Variants in RTF1 observed in about 807,000 individuals in gnomAD.
RTF1 encodes the protein RNA polymerase-associated protein RTF1 homolog.
A neutral mutation model predicts 95.7 loss-of-function variants in RTF1; 10 were observed. The observed-to-expected ratio is 0.10, with a 90% CI of 0.06 to 0.18. The LOEUF (loss-of-function observed/expected upper bound fraction) is 0.18. Ranked by LOEUF, RTF1 falls within the 10% of genes least tolerant of loss-of-function variation. The pLI, the probability that RTF1 is intolerant of heterozygous loss-of-function variation, is 1.00. For synonymous variants in RTF1, 305 were observed against 311.8 expected, an observed-to-expected ratio of 0.98 and a Z score of 0.23; for missense variants, 458 against 875.6, an observed-to-expected ratio of 0.52 and a Z score of 6.02.
At chr15:41,442,164 A>G (rs1229894228) in intron 2 of RTF1, among the ~76,000 whole-genome samples, 1 of 150,484 alleles carries the variant, frequency 6.6e-6, no homozygotes, top group East Asian at 2.0e-4. Flanking sequence ...TTCCCCTTTC[A>G]TAATGATTTT....
At position 41,466,255 on chromosome 15, in the gene RTF1, A is replaced by G. The variant is rs1447445666; in HGVS notation, c.889+3A>G. The G allele has an allele frequency of 6.5e-7, 1 of 1,537,142 alleles. No homozygotes were observed. The highest frequency in any genetic ancestry group is 1.4e-5 in the African/African-American group (1 of 72,680). The stretch of plus-strand genomic sequence containing the variant: ...AGAAAAACGAAAGAACAGAACAGGT[A>G]AGCGAGGGAAATATAATGGCTACTT... On this transcript the variant is annotated splice_donor_region_variant and intron_variant, in intron 6 of 17. Coordinates refer to ENST00000389629, the MANE Select transcript of RTF1 (RefSeq NM_015138.5).
At chr15:41,431,463 C>A (rs1418692017) in intron 1 of RTF1, among the ~76,000 whole-genome samples, 1 of 152,120 alleles carries the variant, frequency 6.6e-6, no homozygotes, top group Non-Finnish European at 1.5e-5. Flanking sequence ...GATCCACCTG[C>A]CTCGGCCTCC....
chr15:41,420,909 G>A (rs536836931), intron 1 of RTF1, among the ~76,000 whole-genome samples: 41 of 152,302 alleles, frequency 2.7e-4, no homozygotes, highest in African/African-American at 9.6e-4. Context: ...AAGTAATTAT[G>A]ATTTATGTTA....
intron 1 of RTF1, among the ~76,000 whole-genome samples, chr15:41,418,797 A>G (rs887025359): frequency 9.2e-5 from 14 of 151,686 alleles, no homozygotes; most frequent in South Asian, 2.1e-4. Flanking sequence ...AAAAAAAAAA[A>G]AAAAGAAAAG....
At chr15:41,470,468 A>G (rs2050904520) in intron 7 of RTF1, 76 bp downstream of exon 7, 23 of 1,512,124 alleles carry the variant, frequency 1.5e-5, no homozygotes, top group Non-Finnish European at 2.1e-5. Context: ...CGTTTCCAAA[A>G]TCTCCCTGGT....
intron 2 of RTF1, among the ~76,000 whole-genome samples, chr15:41,443,953 A>T (rs1438368170): frequency 6.6e-6 from 1 of 151,816 alleles, no homozygotes; most frequent in Non-Finnish European, 1.5e-5. Flanking sequence ...CTGTAGTCCC[A>T]GCTACTCTGG....
intron 2 of RTF1, among the ~76,000 whole-genome samples, chr15:41,445,590 TA>T (rs1264443311): frequency 1.3e-5 from 2 of 152,198 alleles, no homozygotes; most frequent in Non-Finnish European, 2.9e-5. Flanking sequence ...TTTTGTACTT[TA>T]TCTGATTACA....
chr15:41,445,142 A>C (rs1458362579), intron 2 of RTF1, among the ~76,000 whole-genome samples: 1 of 151,744 alleles, frequency 6.6e-6, no homozygotes. Context: ...TCTCTGTGTT[A>C]GCCAGGATGG....
In RTF1 at chr15:41,476,532, T is replaced by G. The variant is rs767797177; in HGVS notation, c.1560+9T>G. The G allele has an allele frequency of 5.0e-6, 8 of 1,609,940 alleles. No individual in the cohort carries two copies. Among genetic ancestry groups the G allele is most frequent in the Non-Finnish European group, 5.9e-6 (7 of 1,176,618 alleles). On this transcript the variant is annotated intron_variant, in intron 12 of 17. Coordinates refer to ENST00000389629, the MANE Select transcript of RTF1 (RefSeq NM_015138.5). Reference sequence around the variant, plus strand: ...AGCTACTGAAGGAAAAGGTAAGGAGTTGTACTCGAGCCTCTTTCCTCATCC... The same window carrying G: ...AGCTACTGAAGGAAAAGGTAAGGAGGTGTACTCGAGCCTCTTTCCTCATCC...
chr15:41,467,884 G>A (rs2050888432), intron 6 of RTF1, among the ~76,000 whole-genome samples: 1 of 152,072 alleles, frequency 6.6e-6, no homozygotes, highest in Admixed American at 6.6e-5. Flanking sequence ...AATTAGCCAG[G>A]CCAGGCACGG....
intron 8 of RTF1, among the ~76,000 whole-genome samples, chr15:41,472,667 G>A (rs567901490): frequency 4.6e-5 from 7 of 150,724 alleles, no homozygotes; most frequent in Non-Finnish European, 7.4e-5. Flanking sequence ...ACAGGCATGC[G>A]CCACCACGCC....
rs181746862 is a variant in RTF1, at chr15:41,425,940, G to A, written c.198+8627G>A. 8.1e-4 allele frequency among the ~76,000 whole-genome samples: 123 copies of A among 152,182 alleles called. 3 individuals carry two copies. In the South Asian group the frequency reaches 0.016, roughly 20 times the overall value. On this transcript the variant is annotated intron_variant, in intron 1 of 17. Coordinates refer to ENST00000389629, the MANE Select transcript of RTF1 (RefSeq NM_015138.5). ...ATTCAGTCTGGGATATGTGGAGTTC[G>A]AAGTGACTATGAGATGTCTAAGTGG...
At chr15:41,476,616 T>C (rs1237400402) in intron 12 of RTF1, 93 bp downstream of exon 12, 4 of 1,207,912 alleles carry the variant, frequency 3.3e-6, no homozygotes, top group African/African-American at 1.5e-5. Flanking sequence ...GGTGGTAGGA[T>C]TGGGAGAAAA....
rs909647541 is a variant in RTF1, at chr15:41,481,083, C to T, written c.*396C>T. On this transcript the variant is annotated 3_prime_UTR_variant, in exon 18 of 18. Coordinates refer to ENST00000389629, the MANE Select transcript of RTF1 (RefSeq NM_015138.5). ...AGCACCAGGCGGTCTCCTCTACAGA[C>T]TGCCTTGGCCCACCCATTGAACATT... is the stretch of plus-strand genomic sequence containing the variant. 8 of 168,738 alleles carry T rather than the reference C, an allele frequency of 4.7e-5. No individual in the cohort carries two copies. The highest frequency in any genetic ancestry group is 4.6e-4 in the Admixed American group (8 of 17,266). 10.5% of individuals were successfully genotyped at this position (168,738 alleles called of 1,614,324 possible). A position where few individuals can be genotyped will look rare whatever the true frequency, so the allele number is the denominator to read the frequency against.
chr15:41,418,918 G>C (rs2050586342), intron 1 of RTF1, among the ~76,000 whole-genome samples: 1 of 151,918 alleles, frequency 6.6e-6, no homozygotes, highest in Non-Finnish European at 1.5e-5. Flanking sequence ...GCAGTGGTGC[G>C]ATCTTGGCTT....
At chr15:41,430,866 G>A (rs2050666327) in intron 1 of RTF1, among the ~76,000 whole-genome samples, 1 of 152,092 alleles carries the variant, frequency 6.6e-6, no homozygotes, top group Admixed American at 6.6e-5. Context: ...ACACTGTTAA[G>A]AGAGTCTTTG....
At chr15:41,457,520 C>T (rs1349318228) in intron 3 of RTF1, 152 bp from the exon 4 acceptor site, 5 of 731,782 alleles carry the variant, frequency 6.8e-6, no homozygotes, top group Non-Finnish European at 9.1e-6. Context: ...AGCAAAACTC[C>T]ATCTCAAAAA....
chr15:41,459,721 C>T (rs1392922254), intron 4 of RTF1, among the ~76,000 whole-genome samples: 1 of 152,140 alleles, frequency 6.6e-6, no homozygotes, highest in Admixed American at 6.6e-5. Context: ...TCTGACTATC[C>T]TCTAGCATGG....
chr15:41,465,090 TTTTTCC>T (rs1469316475), intron 5 of RTF1, among the ~76,000 whole-genome samples: 1 of 151,990 alleles, frequency 6.6e-6, no homozygotes, highest in African/African-American at 2.4e-5. Flanking sequence ...TTTGCTTTCC[TTTTTCC>T]TTTTCTTTTT....
Sources: allele counts gnomAD v4.1 joint callset (sites outside exome capture counted in the v4.1 genomes callset), GRCh38; gene constraint gnomAD v4.1.1; transcripts MANE v1.5; gene names NCBI Gene and HGNC (gene_info 2026-07-23, HGNC 2026-07-21).